Variants in PDE3A observed in about 807,000 individuals in gnomAD.
The protein encoded by PDE3A is phosphodiesterase 3A, also known as cGMP-inhibited 3',5'-cyclic phosphodiesterase 3A.
A neutral mutation model predicts 98.3 loss-of-function variants in PDE3A; 43 were observed. That is an observed-to-expected ratio of 0.44 (90% CI 0.34 to 0.56). The LOEUF is 0.56. Ranked by LOEUF, PDE3A falls within the 20% of genes least tolerant of loss-of-function variation. The pLI is 0.01. For synonymous variants in PDE3A, 663 were observed against 567.9 expected (o/e 1.17, Z -2.38); for missense variants, 1,427 against 1,440.7 (o/e 0.99, Z 0.15).
intron 1 of PDE3A, among the ~76,000 whole-genome samples, chr12:20,477,276 A>C (rs549784005): frequency 1.3e-5 from 2 of 152,206 alleles, no homozygotes; most frequent in Non-Finnish European, 2.9e-5. Flanking sequence ...GGCGCTGCTA[A>C]AAGAAAAATA....
At chr12:20,409,689 A>G (rs1944299328) in intron 1 of PDE3A, among the ~76,000 whole-genome samples, 1 of 152,182 alleles carries the variant, frequency 6.6e-6, no homozygotes, top group African/African-American at 2.4e-5. Flanking sequence ...TCTGTTACAA[A>G]TGTTTAGTCA....
chr12:20,566,613 C>A (rs1361821473), intron 2 of PDE3A, among the ~76,000 whole-genome samples: 1 of 151,630 alleles, frequency 6.6e-6, no homozygotes, highest in Non-Finnish European at 1.5e-5. Context: ...ACATCATGAT[C>A]AGTCAGGAAG....
At chr12:20,451,748 G>T (rs928909676) in intron 1 of PDE3A, among the ~76,000 whole-genome samples, 1 of 152,174 alleles carries the variant, frequency 6.6e-6, no homozygotes, top group Non-Finnish European at 1.5e-5. Flanking sequence ...GCATCTAGAA[G>T]AATCTTCTCA....
At chr12:20,504,733 C>G (rs921297867) in intron 1 of PDE3A, among the ~76,000 whole-genome samples, 2 of 152,034 alleles carry the variant, frequency 1.3e-5, no homozygotes, top group Non-Finnish European at 2.9e-5. Context: ...CTTCTCACAT[C>G]ACATCACTAT....
At chr12:20,386,120 T>TAAATATATATTA (rs1943780087) in intron 1 of PDE3A, among the ~76,000 whole-genome samples, 1 of 76,194 alleles carries the variant, frequency 1.3e-5, no homozygotes, top group Non-Finnish European at 2.2e-5. Flanking sequence ...TAAATATATA[T>TAAATATATATTA]AAATATATAT....
intron 3 of PDE3A, among the ~76,000 whole-genome samples, chr12:20,614,320 G>C (rs548716700): frequency 6.6e-6 from 1 of 152,010 alleles, no homozygotes; most frequent in Non-Finnish European, 1.5e-5. Flanking sequence ...TAAATTGTAG[G>C]AGGATCCTCA....
In PDE3A at chr12:20,633,766, C is replaced by T. The variant is rs1010470780; in HGVS notation, c.1834C>T (p.Pro612Ser). Residue 612 changes from proline to serine, a missense_variant, in exon 7 of 16, where the codon CCA becomes TCA. By Grantham distance (74) the Pro-to-Ser change is moderately conservative. Around this residue, in one of 3 missense-constraint regions of PDE3A, gnomAD observed 1,012 missense variants for 886.5 expected, o/e 1.14. Coordinates refer to ENST00000359062, the MANE Select transcript of PDE3A (RefSeq NM_000921.5). ...GAGAAGTGGGGTAGCCACTCGGACA[C>T]CAAGTAGAACAGGTAATTCATTGTT... ...LERSGVATRT[P>S]SRTDDTAQVT... 2.5e-6 allele frequency: 4 copies of T among 1,588,470 alleles called. No homozygotes were observed. Among genetic ancestry groups the T allele is most frequent in the South Asian group, 1.1e-5 (1 of 89,424 alleles).
At chr12:20,587,764 T>G (rs1943229515) in intron 2 of PDE3A, among the ~76,000 whole-genome samples, 1 of 152,196 alleles carries the variant, frequency 6.6e-6, no homozygotes, top group Non-Finnish European at 1.5e-5. Flanking sequence ...ATTTTAACAC[T>G]AGGTGTTTAT....
intron 1 of PDE3A, among the ~76,000 whole-genome samples, chr12:20,457,929 T>TG: frequency 6.6e-6 from 1 of 152,122 alleles, no homozygotes; most frequent in South Asian, 2.1e-4. Context: ...ACAATGTTAT[T>TG]TATACAGTTA....
At chr12:20,622,795 T>C (rs1236722871) in intron 5 of PDE3A, among the ~76,000 whole-genome samples, 3 of 152,060 alleles carry the variant, frequency 2.0e-5, no homozygotes, top group African/African-American at 7.2e-5. Context: ...TAGGACCCCT[T>C]GGCTCCCTAC....
intron 1 of PDE3A, among the ~76,000 whole-genome samples, chr12:20,407,271 A>G (rs1944250208): frequency 6.6e-6 from 1 of 152,236 alleles, no homozygotes; most frequent in African/African-American, 2.4e-5. Context: ...TGCTTACAGC[A>G]TCTGTCAAAG....
intron 1 of PDE3A, among the ~76,000 whole-genome samples, chr12:20,461,791 C>T (rs1320968364): frequency 6.6e-6 from 1 of 152,048 alleles, no homozygotes. Context: ...TTACCAAGTG[C>T]GTAAGAATCA....
intron 15 of PDE3A, among the ~76,000 whole-genome samples, chr12:20,671,302 C>A (rs1298696800): frequency 6.6e-6 from 1 of 150,996 alleles, no homozygotes; most frequent in Non-Finnish European, 1.5e-5. Context: ...CCTTCTGAAA[C>A]TATTCCAATC....
At chr12:20,418,191 A>G (rs1482850540) in intron 1 of PDE3A, among the ~76,000 whole-genome samples, 1 of 152,190 alleles carries the variant, frequency 6.6e-6, no homozygotes, top group Non-Finnish European at 1.5e-5. Context: ...AAAGTTATTT[A>G]AACTGTTTGA....
intron 1 of PDE3A, among the ~76,000 whole-genome samples, chr12:20,371,122 G>C (rs569015819): frequency 6.5e-4 from 99 of 152,330 alleles, no homozygotes; most frequent in African/African-American, 2.3e-3. Context: ...AACGTGGGAG[G>C]AGGAGGAACC....
Position 20,588,954 on chromosome 12 carries a change from G to A in PDE3A, c.1012-24489G>A, listed in dbSNP as rs187067070. Among the ~76,000 whole-genome samples the A allele has an allele frequency of 2.9e-3, 449 of 152,204 alleles. 1 individual carries two copies. Among genetic ancestry groups the A allele is most frequent in the Non-Finnish European group, 4.5e-3 (305 of 67,992 alleles). On this transcript the variant is annotated intron_variant, in intron 2 of 15. Transcript: ENST00000359062. ...TTGTTTGTTTTTGAGACGGGGTCTC[G>A]CTCTGTCGCCCAGGCTGGAGTGTAG...
At chr12:20,543,575 G>A (rs1435710748) in intron 1 of PDE3A, among the ~76,000 whole-genome samples, 6 of 151,936 alleles carry the variant, frequency 3.9e-5, no homozygotes, top group Non-Finnish European at 7.4e-5. Context: ...TAGACTTCAT[G>A]GTCATGCACA....
chr12:20,545,835 TG>T (rs1942041775), intron 1 of PDE3A, among the ~76,000 whole-genome samples: 1 of 151,802 alleles, frequency 6.6e-6, no homozygotes, highest in African/African-American at 2.4e-5. Context: ...AAAAAAGTTT[TG>T]TGGAGAGATA....
chr12:20,634,426 G>A (rs1006263142), intron 7 of PDE3A, among the ~76,000 whole-genome samples: 2 of 152,100 alleles, frequency 1.3e-5, no homozygotes, highest in Non-Finnish European at 2.9e-5. Context: ...GGAAGCCACA[G>A]GATTCCAAGA....
Sources: gnomAD v4.1 joint callset for allele counts (sites outside exome capture counted in the v4.1 genomes callset) on GRCh38, gnomAD v4.1.1 for gene constraint, gnomAD v4.1.1 regional missense constraint, MANE v1.5 for transcripts, NCBI Gene and HGNC (gene_info 2026-07-23, HGNC 2026-07-21) for gene names.